NPFFR2: variants seen among roughly 807,000 people sequenced by gnomAD.
NPFFR2 encodes neuropeptide FF receptor 2.
NPFFR2 carries 15 observed loss-of-function variants against 13.1 expected under a neutral mutation model. That is an observed-to-expected ratio of 1.15 (90% CI 0.77 to 1.76). The LOEUF (loss-of-function observed/expected upper bound fraction) is 1.76. NPFFR2 is among the 40% of genes most tolerant of loss of function. The pLI, the probability that NPFFR2 is intolerant of heterozygous loss-of-function variation, is 0.00. For missense variants in NPFFR2, 572 were observed against 503.5 expected, an observed-to-expected ratio of 1.14 and a Z score of -1.30; for synonymous variants, 190 against 175.7, an observed-to-expected ratio of 1.08 and a Z score of -0.65.
chr4:72,141,222 A>G (rs1722611339), intron 3 of NPFFR2, among the ~76,000 whole-genome samples: 1 of 151,442 alleles, frequency 6.6e-6, no homozygotes, highest in Admixed American at 6.6e-5. Context: ...TCCTGGATTC[A>G]TTAATTTTTT....
chr4:72,094,232 G>A (rs114993816), intron 1 of NPFFR2, among the ~76,000 whole-genome samples: 2,415 of 152,296 alleles, frequency 0.016, 38 homozygotes, highest in African/African-American at 0.044. Flanking sequence ...TCCGGTGGAG[G>A]CGGCAGGGGA....
chr4:72,098,822 C>T (rs1010036099), intron 1 of NPFFR2, among the ~76,000 whole-genome samples: 6 of 152,100 alleles, frequency 3.9e-5, no homozygotes, highest in African/African-American at 9.7e-5. Flanking sequence ...TACAATATAC[C>T]GTTCCATGAG....
chr4:72,101,585 T>C (rs1258754466), intron 1 of NPFFR2, among the ~76,000 whole-genome samples: 3 of 151,946 alleles, frequency 2.0e-5, no homozygotes, highest in Non-Finnish European at 2.9e-5. Flanking sequence ...GAAGAATATA[T>C]ATTTTACACT....
chr4:72,147,015 A>G lies in NPFFR2; in HGVS notation c.466A>G (p.Thr156Ala), dbSNP rs1722800681. 2 of 1,613,904 alleles carry G rather than the reference A, an allele frequency of 1.2e-6. No homozygotes were observed. Among genetic ancestry groups the G allele is most frequent in the South Asian group, 2.2e-5 (2 of 91,042 alleles). The change falls in exon 4 of 4, where the codon ACT becomes GCT. Residue 156 changes from threonine to alanine, a missense_variant. Thr to Ala is a moderately conservative substitution (Grantham distance 58, BLOSUM62 0). Coordinates refer to ENST00000308744, the MANE Select transcript of NPFFR2 (RefSeq NM_004885.3). ...GGTCTACCCTTTTAAACCAAAGCTC[A>G]CTATCAAGACAGCGTTTGTCATTAT... ...CVVYPFKPKL[T>A]IKTAFVIIMI... is the part of the protein sequence containing the mutation.
At chr4:72,091,920 T>A (rs1369825691) in intron 1 of NPFFR2, among the ~76,000 whole-genome samples, 2 of 152,148 alleles carry the variant, frequency 1.3e-5, no homozygotes, top group African/African-American at 4.8e-5. Context: ...CCTTGAGGTG[T>A]GACCTTAGAT....
chr4:72,048,164 C>T (rs1719431659), intron 1 of NPFFR2, among the ~76,000 whole-genome samples: 1 of 152,028 alleles, frequency 6.6e-6, no homozygotes, highest in Non-Finnish European at 1.5e-5. Flanking sequence ...AGCATATGCA[C>T]TTTATTGGCA....
chr4:72,035,217 A>C (rs919074453), intron 1 of NPFFR2, among the ~76,000 whole-genome samples: 2 of 152,344 alleles, frequency 1.3e-5, no homozygotes, highest in Admixed American at 1.3e-4. Context: ...AAAATGGCCT[A>C]ATAGAAGAAA....
At chr4:72,073,330 C>A (rs533496176) in intron 1 of NPFFR2, among the ~76,000 whole-genome samples, 10 of 152,046 alleles carry the variant, frequency 6.6e-5, no homozygotes, top group African/African-American at 2.4e-4. Context: ...TATACAACTA[C>A]AATGTACCAA....
At chr4:72,082,855 T>C (rs1210001995) in intron 1 of NPFFR2, among the ~76,000 whole-genome samples, 1 of 152,034 alleles carries the variant, frequency 6.6e-6, no homozygotes, top group East Asian at 1.9e-4. Flanking sequence ...TATTTTCCAA[T>C]CTACCTCTCT....
chr4:72,137,355 G>A (rs941629097), intron 2 of NPFFR2, among the ~76,000 whole-genome samples: 1 of 152,156 alleles, frequency 6.6e-6, no homozygotes, highest in Non-Finnish European at 1.5e-5. Flanking sequence ...GCAGATGGGT[G>A]TTTAGAATAG....
Position 72,052,756 on chromosome 4 carries a change from C to A in NPFFR2, c.-8+20556C>A, listed in dbSNP as rs141441987. On this transcript the variant is annotated intron_variant, in intron 1 of 3. Coordinates refer to ENST00000308744, the MANE Select transcript of NPFFR2 (RefSeq NM_004885.3). Reference sequence around the variant, plus strand: ...ACTAAGAGTCTGGCACCTTTTTAAGCCTAATAAGAAACATTTACAATCTAT... The same window carrying A: ...ACTAAGAGTCTGGCACCTTTTTAAGACTAATAAGAAACATTTACAATCTAT... Among the ~76,000 whole-genome samples the A allele has an allele frequency of 3.2e-3, 480 of 152,066 alleles. 4 individuals carry two copies. The highest frequency in any genetic ancestry group is 0.011 in the African/African-American group (443 of 41,520).
intron 2 of NPFFR2, among the ~76,000 whole-genome samples, chr4:72,131,813 A>T (rs1722251326): frequency 1.3e-5 from 2 of 152,282 alleles, no homozygotes; most frequent in South Asian, 4.1e-4. Context: ...TGAAGGTTTA[A>T]ACAAATGATG....
chr4:72,112,709 A>C (rs1157291777), intron 1 of NPFFR2, among the ~76,000 whole-genome samples: 1 of 151,978 alleles, frequency 6.6e-6, no homozygotes, highest in Non-Finnish European at 1.5e-5. Flanking sequence ...CATATGTCTC[A>C]CAATGAGTCA....
At chr4:72,033,432 T>G (rs1718974745) in intron 1 of NPFFR2, among the ~76,000 whole-genome samples, 1 of 76,946 alleles carries the variant, frequency 1.3e-5, no homozygotes, top group African/African-American at 5.3e-5. Context: ...CATTACAGAC[T>G]GGCTATTGTA....
intron 1 of NPFFR2, among the ~76,000 whole-genome samples, chr4:72,110,177 G>A (rs981487286): frequency 6.6e-6 from 1 of 151,932 alleles, no homozygotes; most frequent in Non-Finnish European, 1.5e-5. Context: ...CTGCTCTCAT[G>A]ATAGAGAGTA....
At chr4:72,115,343 C>G (rs1721683589) in intron 1 of NPFFR2, among the ~76,000 whole-genome samples, 1 of 152,160 alleles carries the variant, frequency 6.6e-6, no homozygotes, top group African/African-American at 2.4e-5. Context: ...AAAATATTTG[C>G]TTCCCTGCAT....
At chr4:72,038,905 CT>C (rs1158358179) in intron 1 of NPFFR2, among the ~76,000 whole-genome samples, 2,307 of 84,696 alleles carry the variant, frequency 0.027, 28 homozygotes, top group African/African-American at 0.1. Context: ...AATTTCCTTT[CT>C]TTTTTTTTTT....
intron 1 of NPFFR2, among the ~76,000 whole-genome samples, chr4:72,081,945 A>T (rs1720636128): frequency 6.6e-6 from 1 of 152,178 alleles, no homozygotes; most frequent in South Asian, 2.1e-4. Context: ...TTTCCATCCC[A>T]CTACCATATT....
intron 1 of NPFFR2, among the ~76,000 whole-genome samples, chr4:72,046,681 T>A (rs1719391373): frequency 6.6e-6 from 1 of 152,102 alleles, no homozygotes; most frequent in Non-Finnish European, 1.5e-5. Context: ...GGGTAGAGGC[T>A]GGAAGAATTT....
Sources: gnomAD v4.1 joint callset for allele counts (sites outside exome capture counted in the v4.1 genomes callset) on GRCh38, gnomAD v4.1.1 for gene constraint, MANE v1.5 for transcripts, NCBI Gene and HGNC (gene_info 2026-07-23, HGNC 2026-07-21) for gene names.